The following CHSY3 variants were observed in gnomAD, a reference collection of about 807,000 sequenced individuals.
CHSY3 encodes the protein chondroitin sulfate synthase 3, also known as N-acetylgalactosaminyl-proteoglycan 3-beta-glucuronosyltransferase 3.
Under a neutral mutation model 67.2 loss-of-function variants are expected in CHSY3, and 35 were observed. The observed-to-expected ratio is 0.52, with a 90% CI of 0.40 to 0.69. The LOEUF is 0.69. CHSY3 is among the 30% of genes least tolerant of loss of function. The pLI, the probability that CHSY3 is intolerant of heterozygous loss-of-function variation, is 0.00. For missense variants in CHSY3, 1,069 were observed against 1,138.5 expected (o/e 0.94, Z 0.88); for synonymous variants, 474 against 434.7 (o/e 1.09, Z -1.12).
At chr5:129,971,860 C>T (rs1762648782) in intron 2 of CHSY3, among the ~76,000 whole-genome samples, 1 of 151,982 alleles carries the variant, frequency 6.6e-6, no homozygotes, top group Non-Finnish European at 1.5e-5. Context: ...AGACTTGTCT[C>T]CAAGGCCCTT....
intron 2 of CHSY3, among the ~76,000 whole-genome samples, chr5:130,145,815 A>T (rs1354781839): frequency 6.6e-6 from 1 of 152,196 alleles, no homozygotes; most frequent in African/African-American, 2.4e-5. Flanking sequence ...TTTCTAAAAG[A>T]AGACATACCA....
At chr5:129,941,628 G>GA in intron 2 of CHSY3, among the ~76,000 whole-genome samples, 1 of 152,204 alleles carries the variant, frequency 6.6e-6, no homozygotes, top group Middle Eastern at 3.4e-3. Flanking sequence ...TCTGTCAGGG[G>GA]AAAAACTTTC....
At chr5:130,131,049 C>T (rs974420489) in intron 2 of CHSY3, among the ~76,000 whole-genome samples, 8 of 152,158 alleles carry the variant, frequency 5.3e-5, no homozygotes, top group Non-Finnish European at 1.0e-4. Context: ...TTTACTCTCA[C>T]CACTTGTATA....
Position 129,918,317 on chromosome 5 carries a change from TG to T in CHSY3, c.1086+9958del, listed in dbSNP as rs535291887. ...GTAATACGTAATAAGAGAGTTCTTA[TG>T]AGTGGAATGTCTACATTGGCTCGAT... On this transcript the variant is annotated intron_variant, in intron 2 of 2. Coordinates refer to ENST00000305031, the MANE Select transcript of CHSY3 (RefSeq NM_175856.5). Among the ~76,000 whole-genome samples, 32 of 152,356 alleles carry T rather than the reference TG, an allele frequency of 2.1e-4. 1 individual carries two copies. In the South Asian group the frequency reaches 6.6e-3, roughly 32 times the overall value.
At chr5:130,064,724 CT>C (rs746039262) in intron 2 of CHSY3, among the ~76,000 whole-genome samples, 9 of 152,258 alleles carry the variant, frequency 5.9e-5, no homozygotes, top group African/African-American at 1.4e-4. Context: ...TCCCAGAATT[CT>C]TCCAAGTGAT....
At chr5:130,180,782 G>A (rs935883164) in intron 2 of CHSY3, among the ~76,000 whole-genome samples, 7 of 152,116 alleles carry the variant, frequency 4.6e-5, no homozygotes, top group African/African-American at 1.7e-4. Flanking sequence ...TTGAGCCCAG[G>A]AGCACTGCAG....
chr5:130,078,197 G>A (rs556549525), intron 2 of CHSY3, among the ~76,000 whole-genome samples: 11 of 152,144 alleles, frequency 7.2e-5, no homozygotes, highest in East Asian at 3.9e-4. Context: ...GGGGCCATCC[G>A]TACAACTTTA....
chr5:130,180,435 T>C (rs1770209789), intron 2 of CHSY3, among the ~76,000 whole-genome samples: 1 of 152,236 alleles, frequency 6.6e-6, no homozygotes, highest in African/African-American at 2.4e-5. Context: ...TATACAGTTA[T>C]ACAATCATTA....
chr5:129,994,741 T>C (rs1434476635), intron 2 of CHSY3, among the ~76,000 whole-genome samples: 2 of 152,094 alleles, frequency 1.3e-5, no homozygotes, highest in East Asian at 3.9e-4. Context: ...GTTCATGTCG[T>C]TTGTAGGGAC....
At chr5:129,942,251 T>C (rs1240488637) in intron 2 of CHSY3, among the ~76,000 whole-genome samples, 1 of 152,172 alleles carries the variant, frequency 6.6e-6, no homozygotes, top group Non-Finnish European at 1.5e-5. Context: ...TTTGGAGTTA[T>C]GAGCCAGGAA....
chr5:130,020,517 ACT>A lies in CHSY3; in HGVS notation c.1086+112162_1086+112163del, dbSNP rs1359473737. 1.5e-4 allele frequency among the ~76,000 whole-genome samples: 21 copies of A among 138,962 alleles called. 1 individual carries two copies. Among genetic ancestry groups the A allele is most frequent in the African/African-American group, 5.4e-4 (20 of 36,878 alleles). The allele number at this position is 138,962 out of a possible 152,430, so 91.2% of individuals were successfully genotyped here. A position where few individuals can be genotyped will look rare whatever the true frequency, so the allele number is the denominator to read the frequency against. The stretch of plus-strand genomic sequence containing the variant: ...CCACATCCTTTTGATTAAAGTTTAA[ACT>A]CTCTGTTGCTTGAAGAAAGCTTTCT... On this transcript the variant is annotated intron_variant, in intron 2 of 2. Coordinates refer to ENST00000305031, the MANE Select transcript of CHSY3 (RefSeq NM_175856.5).
intron 2 of CHSY3, among the ~76,000 whole-genome samples, chr5:130,047,788 T>C (rs968652311): frequency 1.3e-5 from 2 of 152,014 alleles, no homozygotes; most frequent in African/African-American, 4.8e-5. Context: ...TGTAATCAAA[T>C]CAAATACTAT....
At chr5:129,971,529 A>T (rs1315157761) in intron 2 of CHSY3, among the ~76,000 whole-genome samples, 3 of 152,036 alleles carry the variant, frequency 2.0e-5, no homozygotes, top group South Asian at 2.1e-4. Flanking sequence ...GCAAGTTTTT[A>T]AAATTTCTGT....
At chr5:129,961,183 A>T (rs1580584985) in intron 2 of CHSY3, among the ~76,000 whole-genome samples, 1 of 152,080 alleles carries the variant, frequency 6.6e-6, no homozygotes, top group Admixed American at 6.6e-5. Flanking sequence ...TAAATTCAGT[A>T]TTTCTGACAT....
At chr5:130,018,685 A>G (rs1187045645) in intron 2 of CHSY3, among the ~76,000 whole-genome samples, 1 of 152,180 alleles carries the variant, frequency 6.6e-6, no homozygotes, top group Non-Finnish European at 1.5e-5. Flanking sequence ...CATCACTGCT[A>G]TGGTTTAGAT....
intron 2 of CHSY3, among the ~76,000 whole-genome samples, chr5:130,086,746 G>C (rs866421093): frequency 1.3e-5 from 2 of 152,024 alleles, no homozygotes; most frequent in Admixed American, 1.3e-4. Flanking sequence ...ACCAAAAAGA[G>C]TCCAGGACCA....
chr5:130,113,883 T>G (rs1319598847), intron 2 of CHSY3, among the ~76,000 whole-genome samples: 6 of 152,174 alleles, frequency 3.9e-5, no homozygotes, highest in African/African-American at 1.4e-4. Flanking sequence ...GTGGAGGCAA[T>G]AAGAATTAGA....
At chr5:130,002,925 T>C (rs1580637404) in intron 2 of CHSY3, among the ~76,000 whole-genome samples, 9 of 152,316 alleles carry the variant, frequency 5.9e-5, no homozygotes, top group South Asian at 2.1e-4. Context: ...ACATGTGTTC[T>C]TGTTTCTTTG....
intron 2 of CHSY3, among the ~76,000 whole-genome samples, chr5:130,051,817 C>T (rs1400549930): frequency 6.6e-6 from 1 of 151,746 alleles, no homozygotes; most frequent in Admixed American, 6.6e-5. Flanking sequence ...ACTTGTAAAC[C>T]AGACGTTAGA....
Sources: allele counts gnomAD v4.1 joint callset (sites outside exome capture counted in the v4.1 genomes callset), GRCh38; gene constraint gnomAD v4.1.1; transcripts MANE v1.5; gene names NCBI Gene and HGNC (gene_info 2026-07-23, HGNC 2026-07-21).